ITGB3: variants seen among roughly 807,000 people sequenced by gnomAD.
ITGB3 encodes integrin subunit beta 3.
ITGB3 carries 48 observed loss-of-function variants against 85.8 expected under a neutral mutation model. That is an observed-to-expected ratio of 0.56 (90% CI 0.44 to 0.71). ITGB3 has a LOEUF of 0.71. Among genes scored for constraint, ITGB3 ranks in the 30% least tolerant of loss-of-function variants. The probability of loss-of-function intolerance (pLI) is 0.00; values close to 1 mark genes in which losing one functional copy is unlikely to be tolerated. For missense variants in ITGB3, 861 were observed against 1,019.1 expected, an observed-to-expected ratio of 0.84 and a Z score of 2.11; for synonymous variants, 363 against 395.6, an observed-to-expected ratio of 0.92 and a Z score of 0.98.
At chr17:47,271,363 A>G (rs1052816058) in intron 1 of ITGB3, among the ~76,000 whole-genome samples, 1 of 152,216 alleles carries the variant, frequency 6.6e-6, no homozygotes, top group African/African-American at 2.4e-5. Context: ...ACACAAATAT[A>G]AAGGGAATAT....
At chr17:47,309,520 CAG>C (rs991573480) in intron 14 of ITGB3, among the ~76,000 whole-genome samples, 3 of 152,150 alleles carry the variant, frequency 2.0e-5, no homozygotes, top group African/African-American at 4.8e-5. Context: ...GACGGGGACA[CAG>C]GGGTGAAATA....
At chr17:47,297,474 G>T (rs1427204407) in intron 10 of ITGB3, among the ~76,000 whole-genome samples, 1 of 152,108 alleles carries the variant, frequency 6.6e-6, no homozygotes, top group Non-Finnish European at 1.5e-5. Context: ...TGGCCAACAT[G>T]GTGAGACCCC....
At position 47,286,251 on chromosome 17, in the gene ITGB3, C is replaced by A; in HGVS notation, c.615-9C>A. The A allele has an allele frequency of 6.2e-7, 1 of 1,614,112 alleles. No homozygotes were observed. ...GTGTCTGCTTAAATTATCTCCCATC[C>A]CTCCCCAGTATGAAGACCACCTGCT... On this transcript the variant is annotated splice_polypyrimidine_tract_variant and intron_variant, in intron 4 of 14. Coordinates refer to ENST00000559488, the MANE Select transcript of ITGB3 (RefSeq NM_000212.3).
chr17:47,302,634 C>T, intron 12 of ITGB3, 87 bp from the exon 13 acceptor site: 1 of 1,514,578 alleles, frequency 6.6e-7, no homozygotes. Flanking sequence ...CACATACTTC[C>T]CTGGAAGTCC....
rs1179824655 is a variant in ITGB3 at position 47,290,928 on chromosome 17, G to T, written c.1126-26G>T. Reference sequence around the variant, plus strand: ...CCGTTTCCTTTCAGTTCAATTTCTTGTCTTCTTGTGCCCCTTTCTGCTCAG... The same window carrying T: ...CCGTTTCCTTTCAGTTCAATTTCTTTTCTTCTTGTGCCCCTTTCTGCTCAG... On this transcript the variant is annotated intron_variant, in intron 8 of 14. Transcript: ENST00000559488. The T allele has an allele frequency of 2.5e-6, 4 of 1,613,802 alleles. No homozygotes were observed. The Admixed American group carries it at 5.0e-5, about 20-fold the overall frequency.
chr17:47,260,253 T>C lies in ITGB3; in HGVS notation c.79+6313T>C, dbSNP rs150033134. 6.2e-4 allele frequency among the ~76,000 whole-genome samples: 95 copies of C among 152,304 alleles called. 1 individual carries two copies. In the East Asian group the frequency reaches 0.015, roughly 24 times the overall value. ...GTGACTTTGAACAAGTGACTTTACC[T>C]TTAGGCATCAGTCTCTTGGTGTCCC... is the stretch of plus-strand genomic sequence containing the variant. On this transcript the variant is annotated intron_variant, in intron 1 of 14. Transcript: ENST00000559488.
rs1005348608 is a variant in ITGB3, at chr17:47,282,888, C to G, written c.166-466C>G. On this transcript the variant is annotated intron_variant, in intron 2 of 14. Transcript: ENST00000559488. The stretch of plus-strand genomic sequence containing the variant: ...ACACTTTCATATTTTCTATTCTATT[C>G]TATTGTATTTTATTTAACAAAATGA... 1.5e-4 allele frequency among the ~76,000 whole-genome samples: 23 copies of G among 152,258 alleles called. No homozygotes were observed. The East Asian group carries it at 4.4e-3, about 29-fold the overall frequency.
chr17:47,296,431 G>A (rs13380810), intron 10 of ITGB3, among the ~76,000 whole-genome samples: 23,084 of 151,954 alleles, frequency 0.15, 1,985 homozygotes, highest in East Asian at 0.28. Flanking sequence ...ACGGGATCTC[G>A]CTATGTTGCC....
chr17:47,256,336 T>A (rs1384246098), intron 1 of ITGB3, among the ~76,000 whole-genome samples: 1 of 152,122 alleles, frequency 6.6e-6, no homozygotes, highest in Non-Finnish European at 1.5e-5. Context: ...GGCGATCTGT[T>A]CACAGATTAA....
intron 1 of ITGB3, among the ~76,000 whole-genome samples, chr17:47,254,331 G>C (rs2064980082): frequency 6.6e-6 from 1 of 152,136 alleles, no homozygotes; most frequent in Admixed American, 6.5e-5. Context: ...TGGGGCTTCC[G>C]GGGGTTGTTC....
At chr17:47,260,817 T>C (rs1449596466) in intron 1 of ITGB3, among the ~76,000 whole-genome samples, 1 of 152,150 alleles carries the variant, frequency 6.6e-6, no homozygotes, top group East Asian at 1.9e-4. Context: ...TCCATTCTCT[T>C]TTATTATTAT....
chr17:47,291,281 G>A (rs2065124620), intron 9 of ITGB3, 193 bp downstream of exon 9: 1 of 644,352 alleles, frequency 1.6e-6, no homozygotes, highest in Non-Finnish European at 2.7e-6. Flanking sequence ...GGCTTCTGTT[G>A]CGTAAGCCAT....
In ITGB3 at chr17:47,292,454, G is replaced by C. The variant is rs138793107; in HGVS notation, c.1576G>C (p.Glu526Gln). 23 of 1,609,230 alleles carry C rather than the reference G, an allele frequency of 1.4e-5. No individual in the cohort carries two copies. The highest frequency in any genetic ancestry group is 1.7e-4 in the Middle Eastern group (1 of 6,058). The change falls in exon 10 of 15, where the codon GAG becomes CAG. Residue 526 changes from glutamate (E) to glutamine (Q), a missense_variant. Transcript: ENST00000559488. ...TCAGCCCGTCTGCAGCCAGCGGGGC[G>C]AGTGCCTCTGTGGTCAATGTGTCTG... ...EGQPVCSQRG[E>Q]CLCGQCVCHS...
chr17:47,267,323 A>G (rs1340677995), intron 1 of ITGB3, among the ~76,000 whole-genome samples: 3 of 152,152 alleles, frequency 2.0e-5, no homozygotes, highest in Non-Finnish European at 2.9e-5. Flanking sequence ...GAAGATTCCC[A>G]CTTTAGCAGG....
chr17:47,309,895 GAAA>G (rs11354112), intron 14 of ITGB3, among the ~76,000 whole-genome samples: 15 of 113,014 alleles, frequency 1.3e-4, no homozygotes, highest in Non-Finnish European at 1.8e-4. Flanking sequence ...GACCCTGTCT[GAAA>G]AAAAAAAAAA....
chr17:47,272,723 CTTT>C (rs2065049695), intron 1 of ITGB3, among the ~76,000 whole-genome samples: 1 of 128,494 alleles, frequency 7.8e-6, no homozygotes, highest in Non-Finnish European at 1.7e-5. Flanking sequence ...TTCTTTCTTT[CTTT>C]CGTTCTTTCT....
intron 1 of ITGB3, among the ~76,000 whole-genome samples, chr17:47,256,615 G>A (rs2149058163): frequency 6.6e-6 from 1 of 152,290 alleles, no homozygotes; most frequent in East Asian, 1.9e-4. Flanking sequence ...AAGTGTTGAA[G>A]GGGCACAGAA....
At chr17:47,283,156 C>T (rs957810786) in intron 2 of ITGB3, among the ~76,000 whole-genome samples, 198 bp from the exon 3 acceptor site, 1 of 152,042 alleles carries the variant, frequency 6.6e-6, no homozygotes, top group Non-Finnish European at 1.5e-5. Flanking sequence ...GTCCTCATGC[C>T]TTGGCCTCCC....
chr17:47,292,697 C>A, intron 10 of ITGB3, 129 bp downstream of exon 10: 1 of 912,726 alleles, frequency 1.1e-6, no homozygotes, highest in Non-Finnish European at 1.7e-6. Flanking sequence ...GGTTCCTAAT[C>A]TTTTTGAGTA....
Sources: gnomAD v4.1 joint callset for allele counts (sites outside exome capture counted in the v4.1 genomes callset) on GRCh38, gnomAD v4.1.1 for gene constraint, MANE v1.5 for transcripts, NCBI Gene and HGNC (gene_info 2026-07-23, HGNC 2026-07-21) for gene names.